The following ANO2 variants were observed in gnomAD, a reference collection of about 807,000 sequenced individuals.
The protein encoded by ANO2 is anoctamin-2.
A neutral mutation model predicts 124.2 loss-of-function variants in ANO2; 101 were observed. The ratio of observed to expected loss-of-function variants is 0.81; its 90% CI spans 0.69 to 0.96. ANO2 has a LOEUF of 0.96. Ranked by LOEUF, ANO2 falls within the 40% of genes least tolerant of loss-of-function variation. The pLI is 0.00. For synonymous variants in ANO2, 486 were observed against 482.5 expected (o/e 1.01, Z -0.09); for missense variants, 1,293 against 1,274.5 (o/e 1.01, Z -0.22).
Position 5,923,146 on chromosome 12 carries a change from A to ACGCACACACC in ANO2, c.23-343_23-342insGGTGTGTGCG, listed in dbSNP as rs1941850219. On this transcript the variant is annotated intron_variant, in intron 1 of 24. Coordinates refer to ENST00000682330, the MANE Select transcript of ANO2 (RefSeq NM_001364791.2). ...CACACACCCACATACACACACATGC[A>ACGCACACACC]CACATACACACACGCATACACACAC... 2.7e-5 allele frequency among the ~76,000 whole-genome samples: 3 copies of ACGCACACACC among 110,274 alleles called. 1 individual carries two copies. The highest frequency in any genetic ancestry group is 5.8e-5 in the Non-Finnish European group (3 of 51,646). The allele number at this position is 110,274 out of a possible 152,430, so 72.3% of individuals were successfully genotyped here.
At position 5,612,658 on chromosome 12, in the gene ANO2, G is replaced by A. The variant is rs1944599573; in HGVS notation, c.2085C>T (p.Val695=). The A allele has an allele frequency of 6.2e-7, 1 of 1,613,242 alleles. No individual in the cohort carries two copies. The highest frequency in any genetic ancestry group is 1.1e-5 in the South Asian group (1 of 91,058). The change falls in exon 19 of 25, where the codon GTC becomes GTT. Residue 695 remains valine (V), a splice_region_variant and synonymous_variant. Transcript: ENST00000682330. ...LIQNNIFEIG[V]PKLKKLFRKL... The stretch of plus-strand genomic sequence containing the variant: ...GGTTAGAGGAGTTCATTACATACGG[G>A]ACTCCAATCTCAAAGATGTTGTTCT...
intron 1 of ANO2, among the ~76,000 whole-genome samples, chr12:5,936,860 A>C (rs570367046): frequency 1.0e-3 from 158 of 152,350 alleles, no homozygotes; most frequent in African/African-American, 3.7e-3. Context: ...CTCTAGTTGA[A>C]TTCAGCATAA....
chr12:5,791,942 A>G (rs1952710912), intron 10 of ANO2, among the ~76,000 whole-genome samples: 1 of 152,150 alleles, frequency 6.6e-6, no homozygotes, highest in Non-Finnish European at 1.5e-5. Context: ...CATTTATTTT[A>G]TTTGTATTAT....
intron 1 of ANO2, among the ~76,000 whole-genome samples, chr12:5,930,612 C>T (rs1426457362): frequency 6.6e-6 from 1 of 152,092 alleles, no homozygotes; most frequent in Non-Finnish European, 1.5e-5. Context: ...TCCCCCTGGA[C>T]CCCTCCTCAA....
intron 23 of ANO2, among the ~76,000 whole-genome samples, chr12:5,566,335 C>G (rs1488775251): frequency 5.9e-5 from 9 of 152,264 alleles, no homozygotes; most frequent in Non-Finnish European, 1.5e-5. Flanking sequence ...ATGTTAATGC[C>G]TGACGTGATT....
intron 10 of ANO2, among the ~76,000 whole-genome samples, chr12:5,794,528 C>G (rs1047139899): frequency 2.6e-5 from 4 of 152,230 alleles, no homozygotes; most frequent in African/African-American, 7.2e-5. Context: ...TCACCTCAGT[C>G]GTCCTTCAGA....
At chr12:5,828,417 C>T (rs1000339669) in intron 6 of ANO2, among the ~76,000 whole-genome samples, 1 of 152,310 alleles carries the variant, frequency 6.6e-6, no homozygotes, top group East Asian at 1.9e-4. Context: ...TGCTCGGGGA[C>T]GCCAGCCAGA....
chr12:5,625,167 A>T (rs1591763519), intron 16 of ANO2, among the ~76,000 whole-genome samples: 1 of 152,314 alleles, frequency 6.6e-6, no homozygotes, highest in Middle Eastern at 3.4e-3. Context: ...TTAAATTTTT[A>T]AAAAATCACA....
At chr12:5,620,240 A>G (rs563027919) in intron 16 of ANO2, among the ~76,000 whole-genome samples, 1 of 152,362 alleles carries the variant, frequency 6.6e-6, no homozygotes, top group East Asian at 1.9e-4. Context: ...ATACAGTAGT[A>G]AAACAGTATT....
chr12:5,592,900 T>C (rs777132631), intron 20 of ANO2, among the ~76,000 whole-genome samples: 19 of 152,300 alleles, frequency 1.2e-4, no homozygotes, highest in Admixed American at 7.2e-4. Flanking sequence ...AGACTTGCCA[T>C]TTCAGGAGAC....
intron 14 of ANO2, among the ~76,000 whole-genome samples, chr12:5,670,463 G>A (rs1449490427): frequency 1.3e-5 from 2 of 152,208 alleles, no homozygotes; most frequent in Non-Finnish European, 2.9e-5. Context: ...TTGGATGAAA[G>A]AAAGTGAAGT....
At chr12:5,588,950 T>C (rs1169804639) in intron 20 of ANO2, among the ~76,000 whole-genome samples, 1 of 152,156 alleles carries the variant, frequency 6.6e-6, no homozygotes, top group African/African-American at 2.4e-5. Flanking sequence ...CACCCGAGTC[T>C]CACCTGACAC....
At chr12:5,763,100 T>C (rs1176119531) in intron 10 of ANO2, among the ~76,000 whole-genome samples, 1 of 151,998 alleles carries the variant, frequency 6.6e-6, no homozygotes, top group Admixed American at 6.5e-5. Flanking sequence ...TGACAAACAT[T>C]TTCTAAAATC....
At chr12:5,721,283 G>A (rs1038229431) in intron 14 of ANO2, among the ~76,000 whole-genome samples, 1 of 152,192 alleles carries the variant, frequency 6.6e-6, no homozygotes, top group Non-Finnish European at 1.5e-5. Context: ...AGGCCCAAGA[G>A]AGAAGTCCGT....
chr12:5,610,023 T>A (rs1192745966), intron 19 of ANO2, among the ~76,000 whole-genome samples: 1 of 138,324 alleles, frequency 7.2e-6, no homozygotes, highest in East Asian at 2.0e-4. Flanking sequence ...CTATAATATA[T>A]TTATATTATA....
intron 10 of ANO2, among the ~76,000 whole-genome samples, chr12:5,767,394 C>G (rs866895343): frequency 6.6e-6 from 1 of 152,200 alleles, no homozygotes; most frequent in Non-Finnish European, 1.5e-5. Context: ...ACAGGGCCAA[C>G]GTGGTTTCTG....
At chr12:5,642,947 T>C (rs1946454848) in intron 15 of ANO2, among the ~76,000 whole-genome samples, 1 of 152,162 alleles carries the variant, frequency 6.6e-6, no homozygotes, top group African/African-American at 2.4e-5. Context: ...CTCCTCCACC[T>C]CCTCCAGATC....
chr12:5,865,470 C>T (rs914143318), intron 3 of ANO2, among the ~76,000 whole-genome samples: 4 of 151,956 alleles, frequency 2.6e-5, no homozygotes, highest in Admixed American at 2.6e-4. Context: ...TTTCATCACA[C>T]CATCATGCAT....
chr12:5,930,378 G>C (rs1219447190), intron 1 of ANO2, among the ~76,000 whole-genome samples: 1 of 152,178 alleles, frequency 6.6e-6, no homozygotes, highest in Non-Finnish European at 1.5e-5. Flanking sequence ...AGCCTGGCAT[G>C]ATGGTGTGGG....
Sources: gnomAD v4.1 joint callset for allele counts (sites outside exome capture counted in the v4.1 genomes callset) on GRCh38, gnomAD v4.1.1 for gene constraint, MANE v1.5 for transcripts, NCBI Gene and HGNC (gene_info 2026-07-23, HGNC 2026-07-21) for gene names.